Variants in RAD54L2 observed in about 807,000 individuals in gnomAD.
The protein encoded by RAD54L2 is helicase ARIP4.
Under a neutral mutation model 138.4 loss-of-function variants are expected in RAD54L2, and 27 were observed. The ratio of observed to expected loss-of-function variants is 0.20; its 90% CI spans 0.14 to 0.27. The LOEUF (loss-of-function observed/expected upper bound fraction) is 0.27, where lower values mean the gene tolerates loss of function less well. Among genes scored for constraint, RAD54L2 ranks in the 10% least tolerant of loss-of-function variants. The probability of loss-of-function intolerance (pLI) is 1.00; values close to 1 mark genes in which losing one functional copy is unlikely to be tolerated. For synonymous variants in RAD54L2, 644 were observed against 723.2 expected (o/e 0.89, Z 1.76); for missense variants, 1,396 against 1,890.2 (o/e 0.74, Z 4.85).
intron 2 of RAD54L2, among the ~76,000 whole-genome samples, chr3:51,573,689 C>T (rs1481618458): frequency 2.6e-5 from 4 of 152,078 alleles, no homozygotes; most frequent in African/African-American, 7.2e-5. Flanking sequence ...ACGCTGGTCT[C>T]GAACTCCTGA....
At position 51,638,250 on chromosome 3, in the gene RAD54L2, C is replaced by T. The variant is rs536078393; in HGVS notation, c.1789C>T (p.Arg597Cys). The T allele has an allele frequency of 6.2e-6, 10 of 1,613,968 alleles. No homozygotes were observed. Among genetic ancestry groups the T allele is most frequent in the Admixed American group, 3.3e-5 (2 of 60,008 alleles). The change falls in exon 12 of 23, where the codon CGC becomes TGC. Residue 597 changes from arginine to cysteine, a missense_variant. Transcript: ENST00000684192. This position sits in a 1 kb window ranked among gnomAD's most constrained non-coding sequence, Gnocchi z 4.3. Reference sequence around the variant, plus strand: ...AGATTTGTATACACAGTTCATGGATCGCTTCCGGGACTGTGGTAGCAGCGG... The same window carrying T: ...AGATTTGTATACACAGTTCATGGATTGCTTCCGGGACTGTGGTAGCAGCGG... The part of the protein sequence containing the change: ...QRDLYTQFMD[R>C]FRDCGSSGWL...
intron 15 of RAD54L2, among the ~76,000 whole-genome samples, chr3:51,643,463 G>C (rs144337446): frequency 2.0e-5 from 3 of 152,318 alleles, no homozygotes; most frequent in African/African-American, 7.2e-5. Flanking sequence ...GGTTAAAAAT[G>C]CAGATTCCTG....
intron 2 of RAD54L2, among the ~76,000 whole-genome samples, chr3:51,571,822 G>GATA (rs1699344550): frequency 6.6e-6 from 1 of 151,722 alleles, no homozygotes; most frequent in Non-Finnish European, 1.5e-5. Context: ...TAGAAATAGG[G>GATA]GTTTTTTTTT....
chr3:51,633,580 G>T lies in RAD54L2; in HGVS notation c.829G>T (p.Gly277Cys), dbSNP rs768611261. ...LARAVKPHQI[G>C]GIRFLYDNLV... is the part of the protein sequence containing the mutation. The stretch of plus-strand genomic sequence containing the variant: ...ATTTGTCTTTGTCCCTTGTCAGATT[G>T]GCGGGATCCGGTTCCTTTACGATAA... The change falls in exon 8 of 23, where the codon GGC (glycine) becomes TGC (cysteine). Residue 277 changes from glycine (G) to cysteine (C), a missense_variant. Gly to Cys is a radical substitution (Grantham distance 159). Transcript: ENST00000684192. The T allele has an allele frequency of 1.2e-6, 2 of 1,612,622 alleles. No individual in the cohort carries two copies. Among genetic ancestry groups the T allele is most frequent in the Non-Finnish European group, 1.7e-6 (2 of 1,178,766 alleles).
rs1454091624 is a variant in RAD54L2 at position 51,651,630 on chromosome 3, A to G, written c.3027-4341A>G. ...ATCCCTGTGATGCAAGGCTGGTTCAACATATGCAGATCAATAAATGTAATC... is the reference window on the plus strand; with the variant it reads ...ATCCCTGTGATGCAAGGCTGGTTCAGCATATGCAGATCAATAAATGTAATC... On this transcript the variant is annotated intron_variant, in intron 19 of 22. Coordinates refer to ENST00000684192, the MANE Select transcript of RAD54L2 (RefSeq NM_015106.4). Among the ~76,000 whole-genome samples the G allele has an allele frequency of 2.0e-5, 3 of 152,346 alleles. No homozygotes were observed. The East Asian group carries it at 5.8e-4, about 29-fold the overall frequency.
intron 2 of RAD54L2, among the ~76,000 whole-genome samples, chr3:51,580,994 C>T (rs1342670802): frequency 6.6e-6 from 1 of 151,958 alleles, no homozygotes; most frequent in Non-Finnish European, 1.5e-5. Context: ...TACTAGATAC[C>T]AATTAAGGAA....
chr3:51,655,093 A>G (rs927810296), intron 19 of RAD54L2, among the ~76,000 whole-genome samples: 1 of 152,214 alleles, frequency 6.6e-6, no homozygotes, highest in African/African-American at 2.4e-5. Flanking sequence ...TAAAAACCTA[A>G]GAGCAATGTG....
intron 2 of RAD54L2, among the ~76,000 whole-genome samples, chr3:51,588,068 C>A (rs1699747044): frequency 1.3e-5 from 2 of 151,292 alleles, no homozygotes; most frequent in African/African-American, 4.9e-5. Context: ...CGCCTGTAGT[C>A]CCAGCTACTT....
At chr3:51,585,971 T>C (rs1309982576) in intron 2 of RAD54L2, among the ~76,000 whole-genome samples, 1 of 152,070 alleles carries the variant, frequency 6.6e-6, no homozygotes, top group Non-Finnish European at 1.5e-5. Flanking sequence ...TTGCCTAGAA[T>C]GAGGAGCAAA....
At chr3:51,566,692 C>T (rs1348548304) in intron 2 of RAD54L2, among the ~76,000 whole-genome samples, 8 of 151,658 alleles carry the variant, frequency 5.3e-5, no homozygotes, top group East Asian at 1.9e-4. Flanking sequence ...ATTAGTTCCT[C>T]GTGCGTTTGT....
chr3:51,633,786 T>G, intron 8 of RAD54L2, 27 bp downstream of exon 8: 1 of 1,613,060 alleles, frequency 6.2e-7, no homozygotes, highest in Non-Finnish European at 8.5e-7. Context: ...AGGCACCACT[T>G]AAGTCACTCC....
At chr3:51,539,710 G>A (rs1259545581) in intron 1 of RAD54L2, among the ~76,000 whole-genome samples, 2 of 152,140 alleles carry the variant, frequency 1.3e-5, no homozygotes, top group Admixed American at 1.3e-4. Context: ...CCTGGGAGAT[G>A]AACAAGGAAA....
intron 3 of RAD54L2, among the ~76,000 whole-genome samples, chr3:51,592,956 C>T (rs1292991805): frequency 6.6e-6 from 1 of 152,172 alleles, no homozygotes; most frequent in East Asian, 1.9e-4. Context: ...TTAGTCTTGT[C>T]CTTGCTGCCA....
intron 15 of RAD54L2, 39 bp from the exon 16 acceptor site, chr3:51,643,836 C>T (rs745353488): frequency 2.6e-5 from 39 of 1,476,360 alleles, no homozygotes; most frequent in Middle Eastern, 1.7e-4. Context: ...TATCCTTGCT[C>T]TAATATATCC....
intron 2 of RAD54L2, among the ~76,000 whole-genome samples, chr3:51,549,124 T>G (rs1405164687): frequency 6.6e-6 from 1 of 152,020 alleles, no homozygotes; most frequent in Non-Finnish European, 1.5e-5. Flanking sequence ...CTCCTGAGTA[T>G]CTGGGATTAC....
At chr3:51,658,619 T>C (rs923310876) in intron 21 of RAD54L2, among the ~76,000 whole-genome samples, 6 of 152,176 alleles carry the variant, frequency 3.9e-5, no homozygotes, top group African/African-American at 1.4e-4. Context: ...CCCATGATTG[T>C]GTGAGGCTCT....
intron 2 of RAD54L2, among the ~76,000 whole-genome samples, chr3:51,576,740 C>T (rs1310819588): frequency 6.6e-6 from 1 of 151,920 alleles, no homozygotes; most frequent in East Asian, 1.9e-4. Flanking sequence ...TCTCTCTTTT[C>T]TTCTTTATTA....
At position 51,645,544 on chromosome 3, in the gene RAD54L2, G is replaced by A; in HGVS notation, c.2657-47G>A. On this transcript the variant is annotated intron_variant, in intron 17 of 22. Transcript: ENST00000684192. This position sits in a 1 kb window ranked among gnomAD's most constrained non-coding sequence, Gnocchi z 6.1. ...CTTTTCATTATTAGTGACCTTTACAGTTTTTAATGCCATGTGCTGACTTTC... is the reference window on the plus strand; with the variant it reads ...CTTTTCATTATTAGTGACCTTTACAATTTTTAATGCCATGTGCTGACTTTC... 3 of 1,530,164 alleles carry A rather than the reference G, an allele frequency of 2.0e-6. No individual in the cohort carries two copies. The highest frequency in any genetic ancestry group is 2.7e-6 in the Non-Finnish European group (3 of 1,131,576). The allele number at this position is 1,530,164 out of a possible 1,614,324, so 94.8% of individuals were successfully genotyped here. A position where few individuals can be genotyped will look rare whatever the true frequency, so the allele number is the denominator to read the frequency against.
chr3:51,613,755 ACT>A (rs1462602359), intron 3 of RAD54L2, among the ~76,000 whole-genome samples: 3 of 140,030 alleles, frequency 2.1e-5, no homozygotes, highest in East Asian at 2.1e-4. Context: ...ATAGAGTGAG[ACT>A]CTGTCTCCAA....
Sources: gnomAD v4.1 joint callset for allele counts (sites outside exome capture counted in the v4.1 genomes callset) on GRCh38, gnomAD v4.1.1 for gene constraint, Gnocchi (gnomAD v3.1) non-coding constraint, MANE v1.5 for transcripts, NCBI Gene and HGNC (gene_info 2026-07-23, HGNC 2026-07-21) for gene names.